The following PCDHGA4 variants were observed in gnomAD, a reference collection of about 807,000 sequenced individuals.
PCDHGA4 encodes the protein protocadherin gamma subfamily A, 4.
Under a neutral mutation model 54.6 loss-of-function variants are expected in PCDHGA4, and 38 were observed. That is an observed-to-expected ratio of 0.70 (90% CI 0.54 to 0.91). PCDHGA4 has a LOEUF of 0.91. Among genes scored for constraint, PCDHGA4 ranks in the 40% least tolerant of loss-of-function variants. The probability of loss-of-function intolerance (pLI) is 0.00; values close to 1 mark genes in which losing one functional copy is unlikely to be tolerated. For missense variants in PCDHGA4, 1,298 were observed against 1,220.9 expected (o/e 1.06, Z -0.94); for synonymous variants, 511 against 512.9 (o/e 1.00, Z 0.05).
chr5:141,355,256 T>C lies in PCDHGA4; in HGVS notation c.149T>C (p.Leu50Pro). Reference protein sequence around the residue: ...DHTRLLQICLLLGVLVEIRAE... With the variant: ...DHTRLLQICLPLGVLVEIRAE... ...ACCCGGCTGCTCCAGATCTGCCTTC[T>C]CCTGGGGGTTCTGGTGGAAATCAGG... Residue 50 changes from leucine (L) to proline (P), a missense_variant, in exon 1 of 4, where the codon CTC becomes CCC. Leu to Pro is a moderately conservative substitution (Grantham distance 98). Coordinates refer to ENST00000571252, the MANE Select transcript of PCDHGA4 (RefSeq NM_018917.4). The C allele has an allele frequency of 6.2e-7, 1 of 1,613,468 alleles. No individual in the cohort carries two copies. Among genetic ancestry groups the C allele is most frequent in the East Asian group, 2.2e-5 (1 of 44,872 alleles).
At chr5:141,394,743 G>A (rs928437652) in intron 1 of PCDHGA4, 4 of 1,613,314 alleles carry the variant, frequency 2.5e-6, no homozygotes, top group Non-Finnish European at 3.4e-6. Flanking sequence ...GAGCCTCGTG[G>A]TGGCCGTCCA....
At chr5:141,371,656 C>G (rs772257649) in intron 1 of PCDHGA4, 2 of 1,614,004 alleles carry the variant, frequency 1.2e-6, no homozygotes, top group Non-Finnish European at 1.7e-6. Flanking sequence ...TACAATGTGA[C>G]GATCACAGCT....
rs532907359 is a variant in PCDHGA4, at chr5:141,500,353, C to T, written c.2574-5040C>T. 1.9e-4 allele frequency among the ~76,000 whole-genome samples: 29 copies of T among 152,052 alleles called. No homozygotes were observed. The East Asian group carries it at 5.2e-3, about 27-fold the overall frequency. The stretch of plus-strand genomic sequence containing the variant: ...CCTCCAGAATAGCTGGGACTACAGG[C>T]GCCCACTACCACGCCCGGCTAATTA... On this transcript the variant is annotated intron_variant, in intron 2 of 3. Transcript: ENST00000571252.
chr5:141,371,996 C>T, intron 1 of PCDHGA4: 1 of 1,613,272 alleles, frequency 6.2e-7, no homozygotes, highest in Non-Finnish European at 8.5e-7. Context: ...CTCTGCAGGC[C>T]CGCGACCAGG....
intron 1 of PCDHGA4, chr5:141,418,511 G>A: frequency 5.6e-6 from 9 of 1,613,974 alleles, no homozygotes; most frequent in Non-Finnish European, 7.6e-6. Context: ...CTTAGATGGT[G>A]GGGACCCTCC....
At chr5:141,422,272 A>G in intron 1 of PCDHGA4, 1 of 1,561,362 alleles carries the variant, frequency 6.4e-7, no homozygotes, top group Non-Finnish European at 8.6e-7. Context: ...TCCAGAAATA[A>G]CTATCACCTC....
rs759446483 is a variant in PCDHGA4 at position 141,376,133 on chromosome 5, C to T, written c.2514+18512C>T. On this transcript the variant is annotated intron_variant, in intron 1 of 3. Coordinates refer to ENST00000571252, the MANE Select transcript of PCDHGA4 (RefSeq NM_018917.4). ...GGGCAGCCTCGAGCCCTCCGCCAAA[C>T]CCAACGATTCGGACCTCACTCTGTA... 1.8e-5 allele frequency: 29 copies of T among 1,613,956 alleles called. No homozygotes were observed. The East Asian group carries it at 6.2e-4, about 35-fold the overall frequency.
At chr5:141,481,356 T>A (rs1214829594) in intron 1 of PCDHGA4, among the ~76,000 whole-genome samples, 1 of 152,260 alleles carries the variant, frequency 6.6e-6, no homozygotes, top group East Asian at 1.9e-4. Context: ...CATCTACAGC[T>A]GTTCAATAGA....
rs747064148 is a variant in PCDHGA4, at chr5:141,395,059, T to C, written c.2514+37438T>C. 1 of 1,614,180 alleles carries C rather than the reference T, an allele frequency of 6.2e-7. No individual in the cohort carries two copies. The stretch of plus-strand genomic sequence containing the variant: ...GTGGGTGTTGAGGAGGTACAGGCTT[T>C]CCTGCAGACCTATTCCCAGGAAGTC... On this transcript the variant is annotated intron_variant, in intron 1 of 3. Transcript: ENST00000571252.
At chr5:141,428,489 T>C (rs2097142285) in intron 1 of PCDHGA4, 1 of 312,516 alleles carries the variant, frequency 3.2e-6, no homozygotes. Context: ...TCCTGCAATC[T>C]GTATGTTCCC....
intron 1 of PCDHGA4, chr5:141,388,337 A>G (rs1256150334): frequency 6.2e-7 from 1 of 1,613,990 alleles, no homozygotes; most frequent in Non-Finnish European, 8.5e-7. Context: ...CTGGCACACG[A>G]TTTATATTAG....
chr5:141,430,594 C>T, intron 1 of PCDHGA4: 3 of 563,604 alleles, frequency 5.3e-6, no homozygotes, highest in Non-Finnish European at 5.7e-6. Flanking sequence ...GCCTTGCACG[C>T]GCCTGAAGCA....
intron 1 of PCDHGA4, among the ~76,000 whole-genome samples, chr5:141,433,395 CTATCTA>C (rs1561869588): frequency 2.0e-5 from 3 of 150,654 alleles, no homozygotes; most frequent in African/African-American, 7.3e-5. Flanking sequence ...ATCTATCTAT[CTATCTA>C]TCTATTACTT....
intron 1 of PCDHGA4, chr5:141,427,468 C>T: frequency 2.0e-6 from 1 of 509,312 alleles, no homozygotes; most frequent in Middle Eastern, 3.0e-4. Flanking sequence ...ATCGAATCTT[C>T]CGCCAATAAT....
At chr5:141,499,289 C>T in intron 2 of PCDHGA4, among the ~76,000 whole-genome samples, 1 of 152,212 alleles carries the variant, frequency 6.6e-6, no homozygotes, top group African/African-American at 2.4e-5. Context: ...GATGGCTCCA[C>T]ACTACCATCC....
chr5:141,410,781 T>C, intron 1 of PCDHGA4: 2 of 937,378 alleles, frequency 2.1e-6, no homozygotes, highest in Non-Finnish European at 1.5e-6. Flanking sequence ...TCACTATGTA[T>C]TTGGTTCATA....
intron 1 of PCDHGA4, chr5:141,360,653 A>G: frequency 1.9e-6 from 3 of 1,614,020 alleles, no homozygotes; most frequent in East Asian, 2.2e-5. Context: ...TACCACCTTA[A>G]TGACAACGAG....
At chr5:141,390,324 A>G in intron 1 of PCDHGA4, 2 of 1,605,484 alleles carry the variant, frequency 1.2e-6, no homozygotes, top group East Asian at 4.5e-5. Flanking sequence ...TTGCCTACCC[A>G]TTTCTCCATA....
Position 141,356,684 on chromosome 5 carries a change from C to T in PCDHGA4, c.1577C>T (p.Thr526Ile), listed in dbSNP as rs775190688. The part of the protein sequence containing the change: ...ARITYSLAED[T>I]FQGAPLSSYV... ...ATCACTTACTCCCTGGCCGAAGACA[C>T]CTTCCAGGGTGCACCTCTGTCCTCC... The change falls in exon 1 of 4, where the codon ACC (threonine) becomes ATC (isoleucine). Residue 526 changes from threonine (T) to isoleucine (I), a missense_variant. Thr to Ile is a moderately conservative substitution (Grantham distance 89). Coordinates refer to ENST00000571252, the MANE Select transcript of PCDHGA4 (RefSeq NM_018917.4). 1 of 1,613,992 alleles carries T rather than the reference C, an allele frequency of 6.2e-7. No individual in the cohort carries two copies. Among genetic ancestry groups the T allele is most frequent in the Non-Finnish European group, 8.5e-7 (1 of 1,179,852 alleles).
Sources: gnomAD v4.1 joint callset for allele counts (sites outside exome capture counted in the v4.1 genomes callset) on GRCh38, gnomAD v4.1.1 for gene constraint, MANE v1.5 for transcripts, NCBI Gene and HGNC (gene_info 2026-07-23, HGNC 2026-07-21) for gene names.